ITIH6: variants seen among roughly 807,000 people sequenced by gnomAD.
The protein encoded by ITIH6 is inter-alpha-trypsin inhibitor heavy chain family member 6, also known as inter-alpha-trypsin inhibitor heavy chain H6.
Under a neutral mutation model 58.2 loss-of-function variants are expected in ITIH6, and 60 were observed. The observed-to-expected ratio is 1.03, with a 90% CI of 0.84 to 1.28. The LOEUF (loss-of-function observed/expected upper bound fraction) is 1.28, where lower values mean the gene tolerates loss of function less well. ITIH6 is among the 50% of genes most tolerant of loss of function. The probability of loss-of-function intolerance (pLI) is 0.00; values close to 1 mark genes in which losing one functional copy is unlikely to be tolerated. For missense variants in ITIH6, 1,290 were observed against 1,021.1 expected (o/e 1.26, Z -3.59); for synonymous variants, 493 against 417.4 (o/e 1.18, Z -2.21).
At chrX:54,761,511 C>T (rs1416380312) in intron 6 of ITIH6, among the ~76,000 whole-genome samples, 1 of 111,198 alleles carries the variant, frequency 9.0e-6, no homozygotes, top group African/African-American at 3.3e-5. Context: ...AAGTCCTTGC[C>T]CATGCCTACG....
intron 2 of ITIH6, among the ~76,000 whole-genome samples, chrX:54,796,694 AAAAG>A (rs1309798794): frequency 4.5e-5 from 5 of 110,187 alleles, no homozygotes; most frequent in Non-Finnish European, 9.5e-5. Flanking sequence ...AAAAAAAAAA[AAAAG>A]AAAGAAAGAA....
chrX:54,758,943 G>A lies in ITIH6; in HGVS notation c.1131C>T (p.Asn377=), dbSNP rs756726860. Residue 377 remains asparagine (N), a synonymous_variant, in exon 8 of 13, where the codon AAC becomes AAT. Coordinates refer to ENST00000218436, the MANE Select transcript of ITIH6 (RefSeq NM_198510.3). ...CACTGGGGCCCCTCCCAGGCTCCTG[G>A]TTGCTATGGTTCAGCACTGAAGCAG... ...LAAASVLNHS[N]QEPGRGPSVG... 5 of 1,198,550 alleles carry A rather than the reference G, an allele frequency of 4.2e-6. No individual in the cohort carries two copies. Among genetic ancestry groups the A allele is most frequent in the East Asian group, 6.0e-5 (2 of 33,472 alleles).
At chrX:54,766,231 T>C (rs1294730531) in intron 6 of ITIH6, among the ~76,000 whole-genome samples, 6 of 107,484 alleles carry the variant, frequency 5.6e-5, no homozygotes, top group African/African-American at 2.0e-4. Context: ...TTTTTGTACA[T>C]TGATTTTGTA....
chrX:54,749,346 G>A lies in ITIH6; in HGVS notation c.*549C>T, dbSNP rs1054802544. On this transcript the variant is annotated 3_prime_UTR_variant, in exon 13 of 13. Coordinates refer to ENST00000218436, the MANE Select transcript of ITIH6 (RefSeq NM_198510.3). ...AAATACTGTGAGCGTGGAGGGTTGG[G>A]GGTGGGCTATAGGAACCCAGAGGAC... is the stretch of plus-strand genomic sequence containing the variant. 6 of 112,123 alleles carry A rather than the reference G, an allele frequency of 5.4e-5. No homozygotes were observed. Among genetic ancestry groups the A allele is most frequent in the African/African-American group, 2.0e-4 (6 of 30,433 alleles). 9.2% of individuals were successfully genotyped at this position (112,123 alleles called of 1,213,427 possible).
chrX:54,769,082 T>G (rs1214395791), intron 6 of ITIH6, among the ~76,000 whole-genome samples: 5 of 100,967 alleles, frequency 5.0e-5, no homozygotes, highest in Non-Finnish European at 9.9e-5. Context: ...TCATTTCTTT[T>G]TATTCTTTTG....
chrX:54,757,016 C>T lies in ITIH6; in HGVS notation c.3058G>A (p.Glu1020Lys). The T allele has an allele frequency of 8.3e-7, 1 of 1,208,880 alleles. No homozygotes were observed. Among genetic ancestry groups the T allele is most frequent in the Non-Finnish European group, 1.1e-6 (1 of 894,244 alleles). The change falls in exon 8 of 13, where the codon GAG becomes AAG. Residue 1020 changes from glutamate (E) to lysine (K), a missense_variant. By Grantham distance (56) the Glu-to-Lys change is moderately conservative (BLOSUM62 1). Transcript: ENST00000218436. The part of the protein sequence containing the change: ...SESMVESKFV[E>K]SLNPPAFYTF... ...TAGAAAGCTGGTGGGTTCAAGGACT[C>T]CACGAACTTGGATTCCACCATTGAT...
chrX:54,762,786 C>A (rs1401751607), intron 6 of ITIH6, among the ~76,000 whole-genome samples: 2 of 112,151 alleles, frequency 1.8e-5, no homozygotes, highest in Non-Finnish European at 3.8e-5. Flanking sequence ...TCTTGTCTCC[C>A]TTCTCCATGG....
Position 54,757,276 on chromosome X carries a change from G to C in ITIH6, c.2798C>G (p.Pro933Arg), listed in dbSNP as rs1928513366. The change falls in exon 8 of 13, where the codon CCC (proline) becomes CGC (arginine). Residue 933 changes from proline to arginine, a missense_variant. By Grantham distance (103) the Pro-to-Arg change is moderately radical (BLOSUM62 -2). Coordinates refer to ENST00000218436, the MANE Select transcript of ITIH6 (RefSeq NM_198510.3). ...LGEPLPMPFT[P>R]TLPPGRFWHQ... is the part of the protein sequence containing the mutation. Reference sequence around the variant, plus strand: ...CCAGAACCTTCCAGGGGGCAGAGTGGGAGTAAAGGGCATGGGGAGGGGTTC... The same window carrying C: ...CCAGAACCTTCCAGGGGGCAGAGTGCGAGTAAAGGGCATGGGGAGGGGTTC... 1 of 1,192,280 alleles carries C rather than the reference G, an allele frequency of 8.4e-7. No homozygotes were observed. The highest frequency in any genetic ancestry group is 1.7e-5 in the African/African-American group (1 of 57,229).
chrX:54,767,002 A>C (rs28821542), intron 6 of ITIH6, among the ~76,000 whole-genome samples: 2 of 110,128 alleles, frequency 1.8e-5, no homozygotes, highest in Non-Finnish European at 1.9e-5. Flanking sequence ...GAATTCGGCT[A>C]TGAATCCATC....
intron 5 of ITIH6, among the ~76,000 whole-genome samples, chrX:54,780,491 A>G (rs1929128796): frequency 8.9e-6 from 1 of 112,306 alleles, no homozygotes. Context: ...TAAAGACAAC[A>G]TGCCAAAACC....
At chrX:54,787,956 T>C (rs1162434114) in intron 5 of ITIH6, among the ~76,000 whole-genome samples, 1 of 111,124 alleles carries the variant, frequency 9.0e-6, no homozygotes, top group Non-Finnish European at 1.9e-5. Context: ...GCCAGGGCCC[T>C]GGGATCGGTG....
rs780585895 is a variant in ITIH6, at chrX:54,757,118, T to A, written c.2956A>T (p.Ile986Phe). 5 of 1,211,544 alleles carry A rather than the reference T, an allele frequency of 4.1e-6. No individual in the cohort carries two copies. In the South Asian group the frequency reaches 8.8e-5, roughly 21 times the overall value. Reference sequence around the variant, plus strand: ...GGGAGGATGCTAGAAGGCAGCAAGATTGGCAGGTTTGGAGGGCTGCCTTCT... The same window carrying A: ...GGGAGGATGCTAGAAGGCAGCAAGAATGGCAGGTTTGGAGGGCTGCCTTCT... ...TPEGSPPNLP[I>F]LLPSSILPEA... is the part of the protein sequence containing the mutation. Residue 986 changes from isoleucine (I) to phenylalanine (F), a missense_variant, in exon 8 of 13, where the codon ATC (isoleucine) becomes TTC (phenylalanine). By Grantham distance (21) the Ile-to-Phe change is conservative. Coordinates refer to ENST00000218436, the MANE Select transcript of ITIH6 (RefSeq NM_198510.3).
In ITIH6 at chrX:54,757,191, C is replaced by T. The variant is rs1403686320; in HGVS notation, c.2883G>A (p.Arg961=). 2 of 1,205,535 alleles carry T rather than the reference C, an allele frequency of 1.7e-6. No homozygotes were observed. The highest frequency in any genetic ancestry group is 2.2e-5 in the Admixed American group (1 of 45,593). Residue 961 remains arginine (R), a synonymous_variant, in exon 8 of 13, where the codon AGG becomes AGA. Coordinates refer to ENST00000218436, the MANE Select transcript of ITIH6 (RefSeq NM_198510.3). ...QRTRQVLGPS[R]PGVPTMSLLN... is the part of the protein sequence containing the mutation. ...GTAGGCTCATTGTTGGAACTCCTGG[C>T]CTAGATGGTCCCAGAACTTGCCTGG...
chrX:54,759,016 T>C lies in ITIH6; in HGVS notation c.1076-18A>G. On this transcript the variant is annotated intron_variant, in intron 7 of 12. Coordinates refer to ENST00000218436, the MANE Select transcript of ITIH6 (RefSeq NM_198510.3). The stretch of plus-strand genomic sequence containing the variant: ...GTCTGTCCCTAATTGGGGAATAGAT[T>C]GTGAGACCATCTTCTCTGGTCACTT... The C allele has an allele frequency of 7.4e-6, 8 of 1,083,162 alleles. No homozygotes were observed. Among genetic ancestry groups the C allele is most frequent in the Non-Finnish European group, 9.8e-6 (8 of 813,561 alleles). The allele number at this position is 1,083,162 out of a possible 1,213,427, so 89.3% of individuals were successfully genotyped here. A position where few individuals can be genotyped will look rare whatever the true frequency, so the allele number is the denominator to read the frequency against.
intron 6 of ITIH6, among the ~76,000 whole-genome samples, chrX:54,765,659 A>G (rs1381912603): frequency 5.1e-5 from 5 of 97,511 alleles, no homozygotes; most frequent in Admixed American, 2.4e-4. Context: ...TGCGGACTGC[A>G]GTGGTGCAAT....
intron 5 of ITIH6, among the ~76,000 whole-genome samples, chrX:54,784,513 A>G (rs1193382702): frequency 1.8e-5 from 2 of 112,193 alleles, no homozygotes; most frequent in Non-Finnish European, 3.8e-5. Context: ...CTAAAAATCC[A>G]ATCAAAAAAG....
Position 54,758,238 on chromosome X carries a change from T to C in ITIH6, c.1836A>G (p.Gln612=). 1.7e-6 allele frequency: 2 copies of C among 1,210,606 alleles called. No individual in the cohort carries two copies. The highest frequency in any genetic ancestry group is 2.2e-6 in the Non-Finnish European group (2 of 894,967). Residue 612 remains glutamine (Q), a synonymous_variant, in exon 8 of 13, where the codon CAA becomes CAG. Transcript: ENST00000218436. ...VTPLTSLVMV[Q]PKQASEETRR... ...TGGTCTCCTCACTGGCCTGTTTGGG[T>C]TGCACCATGACCAGTGAAGTCAGAG...
Position 54,758,591 on chromosome X carries a change from G to A in ITIH6, c.1483C>T (p.Pro495Ser). 8.3e-7 allele frequency: 1 copy of A among 1,211,002 alleles called. No homozygotes were observed. The highest frequency in any genetic ancestry group is 1.1e-6 in the Non-Finnish European group (1 of 895,185). The part of the protein sequence containing the change: ...LVGASPWAVF[P>S]NYFGGSELVV... ...AGCTCAGAGCCACCAAAGTAGTTGG[G>A]GAAAACGGCCCAAGGGGAGGCCCCA... The change falls in exon 8 of 13, where the codon CCC becomes TCC. Residue 495 changes from proline to serine, a missense_variant. By Grantham distance (74) the Pro-to-Ser change is moderately conservative. Transcript: ENST00000218436.
intron 9 of ITIH6, among the ~76,000 whole-genome samples, chrX:54,754,174 C>G (rs1443719812): frequency 8.9e-6 from 1 of 111,835 alleles, no homozygotes; most frequent in Non-Finnish European, 1.9e-5. Context: ...CCTAGTGACC[C>G]TTTACTCCTG....
Sources: allele counts gnomAD v4.1 joint callset (sites outside exome capture counted in the v4.1 genomes callset), GRCh38; gene constraint gnomAD v4.1.1; transcripts MANE v1.5; gene names NCBI Gene and HGNC (gene_info 2026-07-23, HGNC 2026-07-21).